The following LOC128092252 variants were observed in gnomAD, a reference collection of about 807,000 sequenced individuals.
the LOC128092252 span, chr15:50,648,960 G>T: frequency 8.6e-7 from 1 of 1,169,260 alleles, no homozygotes; most frequent in Non-Finnish European, 1.2e-6. Context: ...AAAAGTGAAT[G>T]AACCGACAAA....
chr15:50,679,368 C>A, the LOC128092252 span, among the ~76,000 whole-genome samples: 2 of 149,370 alleles, frequency 1.3e-5, no homozygotes, highest in East Asian at 3.9e-4. Flanking sequence ...GACGCTTGGA[C>A]GTTCACACTG....
the LOC128092252 span, among the ~76,000 whole-genome samples, chr15:50,656,991 T>G: frequency 5.8e-3 from 886 of 152,322 alleles, 6 homozygotes; most frequent in Non-Finnish European, 9.6e-3. Context: ...CTGGTCTATT[T>G]TCTTCCAATC....
At chr15:50,663,124 T>A in the LOC128092252 span, 2 of 1,087,346 alleles carry the variant, frequency 1.8e-6, no homozygotes, top group Non-Finnish European at 2.7e-6. Context: ...GATAAACACA[T>A]AAACAGTTCT....
the LOC128092252 span, chr15:50,657,700 A>C: frequency 8.0e-7 from 1 of 1,252,962 alleles, no homozygotes; most frequent in South Asian, 1.3e-5. Context: ...GTTTCATGCC[A>C]CTGTGTTCTA....
At chr15:50,664,103 T>G in the LOC128092252 span, among the ~76,000 whole-genome samples, 13 of 151,842 alleles carry the variant, frequency 8.6e-5, no homozygotes, top group Admixed American at 3.9e-4. Flanking sequence ...ACCAAGACCA[T>G]CCTGGCCAAC....
chr15:50,663,670 T>C, the LOC128092252 span, among the ~76,000 whole-genome samples: 2 of 152,254 alleles, frequency 1.3e-5, no homozygotes, highest in African/African-American at 2.4e-5. Flanking sequence ...ATATGAGCCA[T>C]TTAAAAGACA....
chr15:50,655,797 C>T, the LOC128092252 span, among the ~76,000 whole-genome samples: 2 of 152,028 alleles, frequency 1.3e-5, no homozygotes, highest in African/African-American at 4.8e-5. Flanking sequence ...GGAGACCAGC[C>T]CAGCCACCAT....
the LOC128092252 span, among the ~76,000 whole-genome samples, chr15:50,654,700 T>A: frequency 6.6e-6 from 1 of 150,758 alleles, no homozygotes; most frequent in Non-Finnish European, 1.5e-5. Flanking sequence ...ATGTATGAAA[T>A]GAAAATTCAC....
the LOC128092252 span, among the ~76,000 whole-genome samples, chr15:50,660,401 G>A: frequency 6.6e-6 from 1 of 152,060 alleles, no homozygotes; most frequent in African/African-American, 2.4e-5. Flanking sequence ...CAGGCACGGT[G>A]ACTCACTTTG....
the LOC128092252 span, among the ~76,000 whole-genome samples, chr15:50,672,898 C>CA: frequency 0.31 from 8,065 of 26,164 alleles, 2,958 homozygotes; most frequent in Non-Finnish European, 0.42. Context: ...GACTCTGTCT[C>CA]AAAAAAAAAA....
the LOC128092252 span, among the ~76,000 whole-genome samples, chr15:50,678,250 AAC>A: frequency 2.1e-3 from 259 of 125,672 alleles, 8 homozygotes; most frequent in African/African-American, 7.0e-3. Context: ...AAAAAAAAAA[AAC>A]AAAAACAAAA....
the LOC128092252 span, among the ~76,000 whole-genome samples, chr15:50,660,013 A>G: frequency 6.6e-6 from 1 of 152,174 alleles, no homozygotes; most frequent in African/African-American, 2.4e-5. Context: ...TCTCCGGAAG[A>G]AAAATGGTAT....
the LOC128092252 span, among the ~76,000 whole-genome samples, chr15:50,662,663 AAG>A: frequency 0.015 from 2,212 of 152,310 alleles, 56 homozygotes; most frequent in African/African-American, 0.051. Context: ...ATTAAAAAAT[AAG>A]AGAGTCTTAA....
the LOC128092252 span, among the ~76,000 whole-genome samples, chr15:50,666,366 G>C: frequency 1.3e-5 from 2 of 152,076 alleles, no homozygotes; most frequent in African/African-American, 4.8e-5. Context: ...TCTGAACCCA[G>C]GGAGCTCGAG....
the LOC128092252 span, among the ~76,000 whole-genome samples, chr15:50,658,886 A>C: frequency 6.6e-6 from 1 of 152,234 alleles, no homozygotes; most frequent in Non-Finnish European, 1.5e-5. Context: ...GACATAATTA[A>C]ATAGGCTGCA....
chr15:50,666,572 G>C, the LOC128092252 span, among the ~76,000 whole-genome samples: 2 of 152,174 alleles, frequency 1.3e-5, no homozygotes, highest in African/African-American at 4.8e-5. Context: ...GGGAGGCTGA[G>C]GCGGGCAGAT....
At chr15:50,668,656 C>T in the LOC128092252 span, among the ~76,000 whole-genome samples, 12 of 152,140 alleles carry the variant, frequency 7.9e-5, no homozygotes, top group Non-Finnish European at 1.5e-4. Context: ...TACAGATGCC[C>T]GCCACCACAC....
the LOC128092252 span, among the ~76,000 whole-genome samples, chr15:50,649,707 C>G: frequency 6.6e-6 from 1 of 152,128 alleles, no homozygotes; most frequent in Non-Finnish European, 1.5e-5. Context: ...GAAGCACATA[C>G]TGGACTATAA....
chr15:50,666,311 G>A, the LOC128092252 span, among the ~76,000 whole-genome samples: 1 of 151,838 alleles, frequency 6.6e-6, no homozygotes, highest in African/African-American at 2.4e-5. Context: ...GTGATGGCAC[G>A]TGCCTGTAGA....
Sources: allele counts gnomAD v4.1 joint callset (sites outside exome capture counted in the v4.1 genomes callset), GRCh38; gene constraint gnomAD v4.1.1; transcripts MANE v1.5.